The following VTCN1 variants were observed in gnomAD, a reference collection of about 807,000 sequenced individuals.
VTCN1 encodes the protein V-set domain-containing T-cell activation inhibitor 1.
Under a neutral mutation model 26.5 loss-of-function variants are expected in VTCN1, and 26 were observed. The ratio of observed to expected loss-of-function variants is 0.98; its 90% CI spans 0.72 to 1.36. The LOEUF is 1.36. Among genes scored for constraint, VTCN1 ranks in the 40% most tolerant of loss-of-function variants. The pLI is 0.00. For synonymous variants in VTCN1, 116 were observed against 130.7 expected (o/e 0.89, Z 0.77); for missense variants, 298 against 337.7 (o/e 0.88, Z 0.92).
intron 2 of VTCN1, among the ~76,000 whole-genome samples, chr1:117,163,008 A>G (rs10923214): frequency 0.044 from 6,743 of 152,346 alleles, 378 homozygotes; most frequent in African/African-American, 0.13. Flanking sequence ...GGTCACCAGC[A>G]TCTGCTAAAA....
At chr1:117,191,971 G>C (rs112053294) in intron 1 of VTCN1, among the ~76,000 whole-genome samples, 9 of 149,902 alleles carry the variant, frequency 6.0e-5, no homozygotes, top group Non-Finnish European at 1.3e-4. Flanking sequence ...GGGGTGGGAG[G>C]GAAATGTAGT....
At chr1:117,186,973 C>G (rs1185346571) in intron 1 of VTCN1, among the ~76,000 whole-genome samples, 1 of 151,874 alleles carries the variant, frequency 6.6e-6, no homozygotes, top group Non-Finnish European at 1.5e-5. Flanking sequence ...ATTTCTGGGC[C>G]CTTTTACAAA....
intron 1 of VTCN1, among the ~76,000 whole-genome samples, chr1:117,209,895 T>C (rs574608836): frequency 1.3e-5 from 2 of 152,352 alleles, no homozygotes; most frequent in Admixed American, 6.5e-5. Context: ...TCACAAACTT[T>C]TCACTGTTGA....
At chr1:117,191,250 A>G (rs1285183746) in intron 1 of VTCN1, among the ~76,000 whole-genome samples, 1 of 152,236 alleles carries the variant, frequency 6.6e-6, no homozygotes, top group Non-Finnish European at 1.5e-5. Flanking sequence ...ACAATGAAAA[A>G]TAGTAAAGAA....
intron 2 of VTCN1, among the ~76,000 whole-genome samples, chr1:117,166,724 T>G (rs190367200): frequency 6.6e-6 from 1 of 151,664 alleles, no homozygotes; most frequent in Non-Finnish European, 1.5e-5. Context: ...CAAAATGTAC[T>G]TTAGCATTAC....
Position 117,146,238 on chromosome 1 carries a change from A to G in VTCN1, c.*46-1013T>C, listed in dbSNP as rs768983434. 6.6e-6 allele frequency among the ~76,000 whole-genome samples: 1 copy of G among 151,914 alleles called. No individual in the cohort carries two copies. Among genetic ancestry groups the G allele is most frequent in the Non-Finnish European group, 1.5e-5 (1 of 67,938 alleles). ...GAAAGAAAAAAGTGCTTTTCACTCT[A>G]CTAGTGAGATTCCCAAGGGACAGTT... On this transcript the variant is annotated intron_variant, in intron 5 of 5. Transcript: ENST00000369458. The surrounding 1 kb of genome is among the most constrained non-coding windows in gnomAD (Gnocchi z 4.2).
intron 1 of VTCN1, among the ~76,000 whole-genome samples, chr1:117,197,432 A>G (rs747570739): frequency 2.6e-5 from 4 of 152,180 alleles, no homozygotes; most frequent in Non-Finnish European, 5.9e-5. Context: ...CATAGGGCCC[A>G]TTCATGCTGA....
At chr1:117,202,092 C>A (rs944105301) in intron 1 of VTCN1, among the ~76,000 whole-genome samples, 2 of 152,184 alleles carry the variant, frequency 1.3e-5, no homozygotes, top group Non-Finnish European at 2.9e-5. Flanking sequence ...CATGACTTAC[C>A]CTATCATGCC....
At position 117,201,171 on chromosome 1, in the gene VTCN1, G is replaced by A. The variant is rs1340070823; in HGVS notation, c.32+9653C>T. 3.3e-5 allele frequency among the ~76,000 whole-genome samples: 5 copies of A among 152,250 alleles called. No individual in the cohort carries two copies. In the East Asian group the frequency reaches 5.8e-4, roughly 18 times the overall value. On this transcript the variant is annotated intron_variant, in intron 1 of 5. Transcript: ENST00000369458. ...TACAATATAGAATATACTCTTGAGG[G>A]TTAACTTAGGGAATAAGGTCCAACT...
chr1:117,170,172 C>T lies in VTCN1; in HGVS notation c.33-1G>A. 8 of 1,613,576 alleles carry T rather than the reference C, an allele frequency of 5.0e-6. No individual in the cohort carries two copies. The highest frequency in any genetic ancestry group is 6.8e-6 in the Non-Finnish European group (8 of 1,179,822). On this transcript the variant is annotated splice_acceptor_variant, in intron 1 of 5. Transcript: ENST00000369458. LOFTEE classifies it high-confidence loss of function. The stretch of plus-strand genomic sequence containing the variant: ...CAGAATAATGATGATGCTAATTATG[C>T]TACGGGAAGAGAGAGAGAAACAGAA...
At chr1:117,182,286 A>C (rs909300620) in intron 1 of VTCN1, among the ~76,000 whole-genome samples, 17 of 152,314 alleles carry the variant, frequency 1.1e-4, no homozygotes, top group African/African-American at 4.1e-4. Context: ...GTATCCTAGA[A>C]GTAAGTAGAG....
intron 1 of VTCN1, among the ~76,000 whole-genome samples, chr1:117,205,636 GT>G (rs1395260920): frequency 6.6e-6 from 1 of 152,278 alleles, no homozygotes; most frequent in Non-Finnish European, 1.5e-5. Flanking sequence ...GAGGAGGTGT[GT>G]TTTTGCCAGT....
intron 2 of VTCN1, 51 bp from the exon 3 acceptor site, chr1:117,156,972 A>G: frequency 6.2e-7 from 1 of 1,612,636 alleles, no homozygotes; most frequent in Non-Finnish European, 8.5e-7. Flanking sequence ...TGGAACTTCT[A>G]CAACCAAACC....
In VTCN1 at chr1:117,147,875, A is replaced by T; in HGVS notation, c.725-93T>A. On this transcript the variant is annotated intron_variant, in intron 4 of 5. Transcript: ENST00000369458. The surrounding 1 kb of genome is among the most constrained non-coding windows in gnomAD (Gnocchi z 4.6). ...TAGCAAAGAAAAGTACCTGAAAAAC[A>T]GAACAAGTTGTTCCTAATTCAGGCA... The T allele has an allele frequency of 6.7e-7, 1 of 1,502,842 alleles. No homozygotes were observed. Among genetic ancestry groups the T allele is most frequent in the Non-Finnish European group, 8.9e-7 (1 of 1,126,828 alleles). The allele number at this position is 1,502,842 out of a possible 1,614,324, so 93.1% of individuals were successfully genotyped here.
chr1:117,158,738 G>T (rs1448209410), intron 2 of VTCN1, among the ~76,000 whole-genome samples: 2 of 152,148 alleles, frequency 1.3e-5, no homozygotes, highest in Non-Finnish European at 2.9e-5. Flanking sequence ...TTGTCAGGCT[G>T]CAAATTTTCC....
intron 1 of VTCN1, among the ~76,000 whole-genome samples, chr1:117,208,111 C>A (rs1050948289): frequency 6.6e-6 from 1 of 152,210 alleles, no homozygotes; most frequent in Non-Finnish European, 1.5e-5. Flanking sequence ...CCACAAATCC[C>A]AGTTCTGAGT....
At chr1:117,174,413 C>G (rs4659161) in intron 1 of VTCN1, among the ~76,000 whole-genome samples, 3 of 152,164 alleles carry the variant, frequency 2.0e-5, no homozygotes, top group Non-Finnish European at 4.4e-5. Context: ...GTTAAACTGA[C>G]GTGACATACA....
intron 1 of VTCN1, among the ~76,000 whole-genome samples, chr1:117,188,609 T>C (rs537629189): frequency 6.6e-6 from 1 of 152,328 alleles, no homozygotes; most frequent in African/African-American, 2.4e-5. Context: ...TTTATTTCTC[T>C]AAGTGTCAGA....
chr1:117,178,250 C>CTTT (rs71096901), intron 1 of VTCN1, among the ~76,000 whole-genome samples: 3 of 142,238 alleles, frequency 2.1e-5, no homozygotes, highest in African/African-American at 7.9e-5. Flanking sequence ...TTCTTTCTTT[C>CTTT]TTTTTTTTCT....
Sources: gnomAD v4.1 joint callset for allele counts (sites outside exome capture counted in the v4.1 genomes callset) on GRCh38, gnomAD v4.1.1 for gene constraint, Gnocchi (gnomAD v3.1) non-coding constraint, MANE v1.5 for transcripts, NCBI Gene and HGNC (gene_info 2026-07-23, HGNC 2026-07-21) for gene names.